The following FANCC variants were observed in gnomAD, a reference collection of about 807,000 sequenced individuals.
FANCC encodes FA complementation group C.
A neutral mutation model predicts 71.3 loss-of-function variants in FANCC; 55 were observed. The ratio of observed to expected loss-of-function variants is 0.77; its 90% CI spans 0.62 to 0.97. The LOEUF (loss-of-function observed/expected upper bound fraction) is 0.97, where lower values mean the gene tolerates loss of function less well. Ranked by LOEUF, FANCC falls within the 50% of genes least tolerant of loss-of-function variation. The pLI is 0.00. For missense variants in FANCC, 678 were observed against 670.9 expected, an observed-to-expected ratio of 1.01 and a Z score of -0.12; for synonymous variants, 275 against 244.9, an observed-to-expected ratio of 1.12 and a Z score of -1.15.
Position 95,099,774 on chromosome 9 carries a change from G to A in FANCC, c.*1933C>T. 4.3e-6 allele frequency: 1 copy of A among 232,486 alleles called. No individual in the cohort carries two copies. Among genetic ancestry groups the A allele is most frequent in the Non-Finnish European group, 8.5e-6 (1 of 117,546 alleles). 14.4% of individuals were successfully genotyped at this position (232,486 alleles called of 1,614,324 possible). On this transcript the variant is annotated 3_prime_UTR_variant, in exon 15 of 15. Coordinates refer to ENST00000289081, the MANE Select transcript of FANCC (RefSeq NM_000136.3). Reference sequence around the variant, plus strand: ...GCACCCGTGAGAGGACTCGGCAGCTGTGAAGGAACTGGGAGATTCTGCAGA... The same window carrying A: ...GCACCCGTGAGAGGACTCGGCAGCTATGAAGGAACTGGGAGATTCTGCAGA...
chr9:95,172,710 T>C (rs1363371670), intron 4 of FANCC, among the ~76,000 whole-genome samples: 3 of 152,172 alleles, frequency 2.0e-5, no homozygotes, highest in South Asian at 2.1e-4. Context: ...GAAAAAAAGA[T>C]TCTCACCGGG....
intron 4 of FANCC, among the ~76,000 whole-genome samples, chr9:95,224,324 A>G (rs1829471905): frequency 6.6e-6 from 1 of 152,176 alleles, no homozygotes; most frequent in Non-Finnish European, 1.5e-5. Context: ...CTTTACGGAC[A>G]CATCTAGGCC....
At chr9:95,180,339 CTTTTTTTTTT>C (rs34697587) in intron 4 of FANCC, among the ~76,000 whole-genome samples, 2 of 82,162 alleles carry the variant, frequency 2.4e-5, no homozygotes, top group Non-Finnish European at 4.5e-5. Context: ...ACAGTTAACT[CTTTTTTTTTT>C]TTTTTTTTTT....
intron 6 of FANCC, among the ~76,000 whole-genome samples, chr9:95,165,079 T>C (rs1054647908): frequency 6.6e-6 from 1 of 152,038 alleles, no homozygotes; most frequent in Non-Finnish European, 1.5e-5. Flanking sequence ...TAATTGTTCA[T>C]AGTAGTCTCA....
At chr9:95,290,122 T>C (rs1489039587) in intron 1 of FANCC, among the ~76,000 whole-genome samples, 1 of 152,162 alleles carries the variant, frequency 6.6e-6, no homozygotes, top group East Asian at 1.9e-4. Flanking sequence ...GGCACACATG[T>C]CACTGGGTTC....
intron 1 of FANCC, among the ~76,000 whole-genome samples, chr9:95,276,871 C>G (rs1194274260): frequency 6.6e-6 from 1 of 152,220 alleles, no homozygotes; most frequent in African/African-American, 2.4e-5. Flanking sequence ...CATGAGGCTG[C>G]AGCGTCTACT....
rs1034814099 is a variant in FANCC, at chr9:95,117,827, G to A, written c.997-437C>T. 4.8e-4 allele frequency among the ~76,000 whole-genome samples: 73 copies of A among 151,444 alleles called. 2 individuals carry two copies. The highest frequency in any genetic ancestry group is 3.7e-4 in the Non-Finnish European group (25 of 67,932). ...CAACCTCTGGCTCCCGGGTTCAAGC[G>A]ATTCTCCTCCCTGTCTCCCAAGTAT... is the stretch of plus-strand genomic sequence containing the variant. On this transcript the variant is annotated intron_variant, in intron 10 of 14. Coordinates refer to ENST00000289081, the MANE Select transcript of FANCC (RefSeq NM_000136.3).
chr9:95,268,419 T>C (rs1588389888), intron 1 of FANCC, among the ~76,000 whole-genome samples: 1 of 152,250 alleles, frequency 6.6e-6, no homozygotes, highest in East Asian at 1.9e-4. Flanking sequence ...AAGTTACTAC[T>C]AGCTGCTGCA....
At chr9:95,252,598 T>C (rs1458330673) in intron 1 of FANCC, among the ~76,000 whole-genome samples, 2 of 151,508 alleles carry the variant, frequency 1.3e-5, no homozygotes, top group Non-Finnish European at 2.9e-5. Flanking sequence ...TACAAAAAAT[T>C]AGCCAGGCGT....
chr9:95,278,685 A>G (rs926347091), intron 1 of FANCC, among the ~76,000 whole-genome samples: 5 of 152,216 alleles, frequency 3.3e-5, no homozygotes, highest in Non-Finnish European at 4.4e-5. Context: ...CTGACTTACA[A>G]TATTTTCAAC....
intron 1 of FANCC, among the ~76,000 whole-genome samples, chr9:95,281,063 C>T (rs1301840127): frequency 6.6e-6 from 1 of 151,942 alleles, no homozygotes; most frequent in Admixed American, 6.6e-5. Context: ...ATCTAAAGAG[C>T]AAATATGTGG....
intron 8 of FANCC, among the ~76,000 whole-genome samples, chr9:95,133,680 T>C (rs1327070187): frequency 1.3e-5 from 2 of 152,226 alleles, no homozygotes; most frequent in South Asian, 2.1e-4. Context: ...AATTTTTCAA[T>C]AGGGAGAAGA....
At chr9:95,246,248 A>G (rs1205966903) in intron 3 of FANCC, among the ~76,000 whole-genome samples, 1 of 152,164 alleles carries the variant, frequency 6.6e-6, no homozygotes, top group Non-Finnish European at 1.5e-5. Context: ...TATAAGTGGG[A>G]AGGAGGAGGG....
intron 13 of FANCC, among the ~76,000 whole-genome samples, chr9:95,109,085 T>C (rs1458257359): frequency 6.6e-6 from 1 of 152,102 alleles, no homozygotes; most frequent in Non-Finnish European, 1.5e-5. Flanking sequence ...AATTTCTTTA[T>C]TTATTTTTTT....
rs1267660506 is a variant in FANCC at position 95,160,581 on chromosome 9, T to A, written c.522-10494A>T. ...TCTGTGAAGAAAGTCATTGGTAGCT[T>A]GATGGGGATGGCATTGAATCTATAA... is the stretch of plus-strand genomic sequence containing the variant. On this transcript the variant is annotated intron_variant, in intron 6 of 14. Coordinates refer to ENST00000289081, the MANE Select transcript of FANCC (RefSeq NM_000136.3). Among the ~76,000 whole-genome samples the A allele has an allele frequency of 3.3e-5, 5 of 152,318 alleles. No homozygotes were observed. In the East Asian group the frequency reaches 9.6e-4, roughly 29 times the overall value.
chr9:95,289,421 TGAGTA>T (rs1237397754), intron 1 of FANCC, among the ~76,000 whole-genome samples: 1 of 152,056 alleles, frequency 6.6e-6, no homozygotes, highest in Non-Finnish European at 1.5e-5. Context: ...GAAGTGCGCG[TGAGTA>T]TAGTATATAG....
intron 1 of FANCC, among the ~76,000 whole-genome samples, chr9:95,275,881 A>C (rs1833006239): frequency 6.6e-6 from 1 of 151,970 alleles, no homozygotes; most frequent in Non-Finnish European, 1.5e-5. Context: ...ATGCAAACCT[A>C]CTCTACACAC....
chr9:95,297,740 T>C (rs1294523794), intron 1 of FANCC, among the ~76,000 whole-genome samples: 1 of 152,234 alleles, frequency 6.6e-6, no homozygotes, highest in Non-Finnish European at 1.5e-5. Flanking sequence ...ATATGTATAA[T>C]GTATTTTTTG....
chr9:95,257,587 C>A (rs1831747858), intron 1 of FANCC, among the ~76,000 whole-genome samples: 1 of 152,098 alleles, frequency 6.6e-6, no homozygotes, highest in Admixed American at 6.6e-5. Context: ...CAGGAAAGAT[C>A]TAAATTGACA....
Sources: allele counts gnomAD v4.1 joint callset (sites outside exome capture counted in the v4.1 genomes callset), GRCh38; gene constraint gnomAD v4.1.1; transcripts MANE v1.5; gene names NCBI Gene and HGNC (gene_info 2026-07-23, HGNC 2026-07-21).